Variants in UNC5C observed in about 807,000 individuals in gnomAD.
UNC5C encodes the protein unc-5 netrin receptor C.
A neutral mutation model predicts 99.8 loss-of-function variants in UNC5C; 47 were observed. The observed-to-expected ratio is 0.47, with a 90% CI of 0.37 to 0.60. The LOEUF (loss-of-function observed/expected upper bound fraction) is 0.60, where lower values mean the gene tolerates loss of function less well. Ranked by LOEUF, UNC5C falls within the 20% of genes least tolerant of loss-of-function variation. The probability of loss-of-function intolerance (pLI) is 0.00; values close to 1 mark genes in which losing one functional copy is unlikely to be tolerated. For missense variants in UNC5C, 1,062 were observed against 1,165.9 expected (o/e 0.91, Z 1.30); for synonymous variants, 487 against 452.2 (o/e 1.08, Z -0.98).
chr4:95,273,803 C>G (rs1740751777), intron 4 of UNC5C, among the ~76,000 whole-genome samples: 1 of 152,106 alleles, frequency 6.6e-6, no homozygotes, highest in Non-Finnish European at 1.5e-5. Context: ...TCTCCCACTC[C>G]CAGTGGCCTT....
intron 1 of UNC5C, among the ~76,000 whole-genome samples, chr4:95,469,577 TC>T (rs202194463): frequency 9.2e-6 from 1 of 109,148 alleles, no homozygotes. Context: ...ATATTTCCTT[TC>T]TTTTTTTTTA....
At chr4:95,480,520 C>T (rs1361786664) in intron 1 of UNC5C, among the ~76,000 whole-genome samples, 1 of 151,824 alleles carries the variant, frequency 6.6e-6, no homozygotes, top group East Asian at 1.9e-4. Flanking sequence ...CCATTATACA[C>T]AGCCTACTTA....
In UNC5C at chr4:95,405,174, T is replaced by G. The variant is rs143236351; in HGVS notation, c.125-69543A>C. 5.6e-3 allele frequency among the ~76,000 whole-genome samples: 860 copies of G among 152,260 alleles called. 11 individuals are homozygous for G. The highest frequency in any genetic ancestry group is 0.019 in the African/African-American group (795 of 41,564). ...GAGCGTCCATTGAGCCCGTTAACAT[T>G]CAAGCCATCTGAGGACAGCAAAGGT... On this transcript the variant is annotated intron_variant, in intron 1 of 15. Coordinates refer to ENST00000453304, the MANE Select transcript of UNC5C (RefSeq NM_003728.4).
At chr4:95,408,736 C>T (rs372986265) in intron 1 of UNC5C, among the ~76,000 whole-genome samples, 1 of 152,102 alleles carries the variant, frequency 6.6e-6, no homozygotes, top group Admixed American at 6.6e-5. Flanking sequence ...TTACATTATA[C>T]ACAAGAGAGC....
intron 1 of UNC5C, among the ~76,000 whole-genome samples, chr4:95,508,493 G>A (rs528943481): frequency 6.6e-6 from 1 of 152,036 alleles, no homozygotes; most frequent in South Asian, 2.1e-4. Context: ...TCAATAAACA[G>A]TATTTGTCAA....
intron 1 of UNC5C, among the ~76,000 whole-genome samples, chr4:95,366,195 G>T (rs892487228): frequency 6.6e-6 from 1 of 152,116 alleles, no homozygotes; most frequent in African/African-American, 2.4e-5. Flanking sequence ...TGAGTGCACT[G>T]GTGTGCACCT....
intron 1 of UNC5C, among the ~76,000 whole-genome samples, chr4:95,517,929 T>C (rs1206418308): frequency 6.6e-6 from 1 of 152,166 alleles, no homozygotes; most frequent in Non-Finnish European, 1.5e-5. Context: ...AATAAACCAG[T>C]AGACAAATCA....
At chr4:95,288,953 G>T (rs1460648312) in intron 3 of UNC5C, among the ~76,000 whole-genome samples, 2 of 152,148 alleles carry the variant, frequency 1.3e-5, no homozygotes, top group Non-Finnish European at 2.9e-5. Flanking sequence ...ATGCCTTTGG[G>T]GGTCATTATC....
At position 95,331,843 on chromosome 4, in the gene UNC5C, C is replaced by T. The variant is rs371539501; in HGVS notation, c.346+3567G>A. On this transcript the variant is annotated intron_variant, in intron 2 of 15. Coordinates refer to ENST00000453304, the MANE Select transcript of UNC5C (RefSeq NM_003728.4). ...ATAGCATGAAATTGTTATAAGCGTTCGATATTAGAATAGTTTCATTTCTCA... is the reference window on the plus strand; with the variant it reads ...ATAGCATGAAATTGTTATAAGCGTTTGATATTAGAATAGTTTCATTTCTCA... 9.0e-4 allele frequency among the ~76,000 whole-genome samples: 136 copies of T among 151,900 alleles called. No homozygotes were observed. In the Middle Eastern group the frequency reaches 0.01, roughly 11 times the overall value.
At chr4:95,513,525 T>A (rs1245937444) in intron 1 of UNC5C, among the ~76,000 whole-genome samples, 1 of 152,210 alleles carries the variant, frequency 6.6e-6, no homozygotes, top group Non-Finnish European at 1.5e-5. Context: ...TGAAATTTTC[T>A]TAGTAAATCA....
At chr4:95,517,160 GATA>G (rs1270804009) in intron 1 of UNC5C, among the ~76,000 whole-genome samples, 1 of 152,134 alleles carries the variant, frequency 6.6e-6, no homozygotes, top group African/African-American at 2.4e-5. Flanking sequence ...AACGATTAAT[GATA>G]ATAATGATAA....
chr4:95,254,922 C>A (rs183253931), intron 4 of UNC5C, among the ~76,000 whole-genome samples: 3 of 152,094 alleles, frequency 2.0e-5, no homozygotes. Context: ...ACTGTCAATG[C>A]TCTCATCCCT....
intron 1 of UNC5C, among the ~76,000 whole-genome samples, chr4:95,536,623 A>G (rs1028324590): frequency 6.6e-6 from 1 of 152,214 alleles, no homozygotes; most frequent in Non-Finnish European, 1.5e-5. Flanking sequence ...ATACAATGAC[A>G]TTCTTTATTC....
At chr4:95,333,183 A>G (rs1444727036) in intron 2 of UNC5C, among the ~76,000 whole-genome samples, 2 of 152,292 alleles carry the variant, frequency 1.3e-5, no homozygotes, top group East Asian at 3.9e-4. Context: ...GGGATCTAGA[A>G]CTGGAAATAC....
intron 1 of UNC5C, among the ~76,000 whole-genome samples, chr4:95,546,124 A>G (rs1338928957): frequency 6.6e-6 from 1 of 152,198 alleles, no homozygotes; most frequent in Non-Finnish European, 1.5e-5. Flanking sequence ...CCTCATCCAC[A>G]TTGTAAAGTG....
chr4:95,383,620 C>T (rs1745133246), intron 1 of UNC5C, among the ~76,000 whole-genome samples: 1 of 152,094 alleles, frequency 6.6e-6, no homozygotes, highest in Non-Finnish European at 1.5e-5. Flanking sequence ...CAACAGCAAA[C>T]CAGGGAGATT....
At chr4:95,529,356 A>T (rs912727656) in intron 1 of UNC5C, among the ~76,000 whole-genome samples, 1 of 147,182 alleles carries the variant, frequency 6.8e-6, no homozygotes, top group African/African-American at 2.5e-5. Flanking sequence ...GTATATATAT[A>T]TTATATATAT....
intron 1 of UNC5C, among the ~76,000 whole-genome samples, chr4:95,341,843 T>C (rs967876958): frequency 2.6e-5 from 4 of 152,078 alleles, no homozygotes; most frequent in African/African-American, 9.7e-5. Flanking sequence ...AGAATCTGTG[T>C]CCTTGGGGGA....
At chr4:95,307,705 G>T (rs926043376) in intron 2 of UNC5C, among the ~76,000 whole-genome samples, 2 of 152,054 alleles carry the variant, frequency 1.3e-5, no homozygotes, top group African/African-American at 4.8e-5. Flanking sequence ...GATAAACAAA[G>T]ATGCAAAAAT....
Sources: allele counts gnomAD v4.1 joint callset (sites outside exome capture counted in the v4.1 genomes callset), GRCh38; gene constraint gnomAD v4.1.1; transcripts MANE v1.5; gene names NCBI Gene and HGNC (gene_info 2026-07-23, HGNC 2026-07-21).